The following CNTN4 variants were observed in gnomAD, a reference collection of about 807,000 sequenced individuals.
CNTN4 encodes the protein contactin-4.
CNTN4 carries 77 observed loss-of-function variants against 122.5 expected under a neutral mutation model. The observed-to-expected ratio is 0.63, with a 90% CI of 0.52 to 0.76. The LOEUF (loss-of-function observed/expected upper bound fraction) is 0.76. CNTN4 is among the 30% of genes least tolerant of loss of function. CNTN4 has a pLI of 0.00. For missense variants in CNTN4, 1,256 were observed against 1,259.1 expected, an observed-to-expected ratio of 1.00 and a Z score of 0.04; for synonymous variants, 512 against 447.0, an observed-to-expected ratio of 1.15 and a Z score of -1.83.
chr3:2,291,249 C>G (rs564556300), intron 2 of CNTN4, among the ~76,000 whole-genome samples: 32 of 152,096 alleles, frequency 2.1e-4, no homozygotes, highest in Admixed American at 2.0e-3. Flanking sequence ...TGTGTTCGTC[C>G]CCAGTGCTAA....
At chr3:2,108,122 T>C (rs2032607877) in intron 2 of CNTN4, among the ~76,000 whole-genome samples, 1 of 151,858 alleles carries the variant, frequency 6.6e-6, no homozygotes, top group South Asian at 2.1e-4. Context: ...AGACCAACTG[T>C]AACAATCTAA....
At chr3:2,456,576 G>A (rs2049010773) in intron 3 of CNTN4, among the ~76,000 whole-genome samples, 1 of 151,836 alleles carries the variant, frequency 6.6e-6, no homozygotes, top group Non-Finnish European at 1.5e-5. Flanking sequence ...CGTCTCTTTG[G>A]ATTTACCTAT....
chr3:2,405,606 GA>G (rs1292186065), intron 3 of CNTN4, among the ~76,000 whole-genome samples: 196 of 148,354 alleles, frequency 1.3e-3, no homozygotes, highest in Admixed American at 1.9e-3. Flanking sequence ...TAGATAGATA[GA>G]TAGATAGATA....
chr3:2,471,971 G>A (rs956633572), intron 3 of CNTN4, among the ~76,000 whole-genome samples: 3 of 152,062 alleles, frequency 2.0e-5, no homozygotes, highest in Non-Finnish European at 2.9e-5. Flanking sequence ...TAGATGTGAA[G>A]TATTTCTCAA....
intron 2 of CNTN4, among the ~76,000 whole-genome samples, chr3:2,180,628 T>G (rs1366814139): frequency 6.6e-6 from 1 of 152,092 alleles, no homozygotes; most frequent in Non-Finnish European, 1.5e-5. Context: ...TCCAGTTTCT[T>G]GAATTAGTCT....
chr3:2,800,896 C>T (rs1466773606), intron 6 of CNTN4, among the ~76,000 whole-genome samples: 1 of 152,210 alleles, frequency 6.6e-6, no homozygotes, highest in Non-Finnish European at 1.5e-5. Context: ...CCCTTGCCAC[C>T]TTCAGGTCTC....
At chr3:2,935,434 T>G (rs2094559279) in intron 13 of CNTN4, among the ~76,000 whole-genome samples, 2 of 152,234 alleles carry the variant, frequency 1.3e-5, no homozygotes, top group Admixed American at 1.3e-4. Flanking sequence ...TTATTGTCTC[T>G]TGTGTGAATT....
intron 3 of CNTN4, among the ~76,000 whole-genome samples, chr3:2,539,999 T>C (rs1441382748): frequency 1.3e-5 from 2 of 151,956 alleles, no homozygotes; most frequent in African/African-American, 4.8e-5. Flanking sequence ...CTTTTAATAA[T>C]ACAGGTATCT....
At chr3:2,369,383 T>A (rs980725221) in intron 3 of CNTN4, among the ~76,000 whole-genome samples, 1 of 152,226 alleles carries the variant, frequency 6.6e-6, no homozygotes, top group African/African-American at 2.4e-5. Context: ...TTGTATCAAT[T>A]TTTAAAACAT....
At chr3:2,192,816 C>T (rs544606243) in intron 2 of CNTN4, among the ~76,000 whole-genome samples, 45 of 152,136 alleles carry the variant, frequency 3.0e-4, no homozygotes, top group African/African-American at 1.1e-3. Context: ...ATTAGCTCCC[C>T]ACTATTTAAA....
chr3:2,379,517 C>T (rs17013501), intron 3 of CNTN4, among the ~76,000 whole-genome samples: 46,472 of 151,950 alleles, frequency 0.31, 7,267 homozygotes, highest in Middle Eastern at 0.42. Flanking sequence ...CCACAGGCCT[C>T]TTTTGTCTTT....
intron 13 of CNTN4, among the ~76,000 whole-genome samples, chr3:2,932,142 T>C (rs1371523625): frequency 6.6e-6 from 1 of 151,926 alleles, no homozygotes; most frequent in Admixed American, 6.6e-5. Flanking sequence ...CTTTGGGACG[T>C]CGAGGCAGGC....
chr3:2,930,002 T>A (rs1424518904), intron 13 of CNTN4, among the ~76,000 whole-genome samples: 1 of 152,210 alleles, frequency 6.6e-6, no homozygotes, highest in South Asian at 2.1e-4. Flanking sequence ...TTACTAATAA[T>A]GATGGAGACC....
In CNTN4 at chr3:2,473,247, A is replaced by AAAC. The variant is rs1553659888; in HGVS notation, c.-88-98167_-88-98166insCAA. 2.4e-4 allele frequency among the ~76,000 whole-genome samples: 35 copies of AAAC among 143,912 alleles called. 1 individual carries two copies. Among genetic ancestry groups the AAAC allele is most frequent in the African/African-American group, 4.9e-4 (19 of 38,928 alleles). The allele number at this position is 143,912 out of a possible 152,430, so 94.4% of individuals were successfully genotyped here. A position where few individuals can be genotyped will look rare whatever the true frequency, so the allele number is the denominator to read the frequency against. ...ACTCCATCTCAAAAAAAAAAAAAAA[A>AAAC]AAAAACACCTGCCAGCATTACTCTC... is the stretch of plus-strand genomic sequence containing the variant. On this transcript the variant is annotated intron_variant, in intron 3 of 24. Transcript: ENST00000418658.
rs12488733 is a variant in CNTN4, at chr3:2,610,641, A to G, written c.55+39083A>G. Among the ~76,000 whole-genome samples, 246 of 152,330 alleles carry G rather than the reference A, an allele frequency of 1.6e-3. 1 individual carries two copies. The highest frequency in any genetic ancestry group is 6.8e-3 in the Middle Eastern group (2 of 294). ...TAAATGTACAAATGCTTGTTATCAC[A>G]GTAAATTCTAGGTAGAGAACAGACC... On this transcript the variant is annotated intron_variant, in intron 4 of 24. Coordinates refer to ENST00000418658, the MANE Select transcript of CNTN4 (RefSeq NM_175607.3).
chr3:2,196,533 C>G (rs981008878), intron 2 of CNTN4, among the ~76,000 whole-genome samples: 1 of 152,114 alleles, frequency 6.6e-6, no homozygotes, highest in Non-Finnish European at 1.5e-5. Context: ...TACTATAGTG[C>G]TAGTCATGTA....
intron 6 of CNTN4, among the ~76,000 whole-genome samples, chr3:2,782,495 G>A (rs990055312): frequency 6.6e-6 from 1 of 151,336 alleles, no homozygotes; most frequent in South Asian, 2.1e-4. Context: ...GTGTGTGTGT[G>A]TGTGTGTGTG....
chr3:2,172,503 G>T (rs2036561166), intron 2 of CNTN4, among the ~76,000 whole-genome samples: 1 of 152,006 alleles, frequency 6.6e-6, no homozygotes, highest in African/African-American at 2.4e-5. Flanking sequence ...ACCACTGAAG[G>T]ACTTATCCAC....
intron 4 of CNTN4, among the ~76,000 whole-genome samples, chr3:2,698,442 A>T (rs1576488461): frequency 1.3e-5 from 2 of 152,290 alleles, no homozygotes; most frequent in African/African-American, 4.8e-5. Flanking sequence ...ACCACGCCGT[A>T]ATCTAAGGGT....
Sources: gnomAD v4.1 joint callset for allele counts (sites outside exome capture counted in the v4.1 genomes callset) on GRCh38, gnomAD v4.1.1 for gene constraint, MANE v1.5 for transcripts, NCBI Gene and HGNC (gene_info 2026-07-23, HGNC 2026-07-21) for gene names.